FBXL17: variants seen among roughly 807,000 people sequenced by gnomAD.
FBXL17 encodes F-box/LRR-repeat protein 17.
A neutral mutation model predicts 66.2 loss-of-function variants in FBXL17; 22 were observed. The ratio of observed to expected loss-of-function variants is 0.33; its 90% CI spans 0.24 to 0.47. The LOEUF (loss-of-function observed/expected upper bound fraction) is 0.47. Among genes scored for constraint, FBXL17 ranks in the 20% least tolerant of loss-of-function variants. The probability of loss-of-function intolerance (pLI) is 1.00; values close to 1 mark genes in which losing one functional copy is unlikely to be tolerated. For missense variants in FBXL17, 878 were observed against 948.2 expected (o/e 0.93, Z 0.97); for synonymous variants, 474 against 400.5 (o/e 1.18, Z -2.19).
At chr5:108,240,050 C>G (rs1000347247) in intron 4 of FBXL17, among the ~76,000 whole-genome samples, 1 of 152,112 alleles carries the variant, frequency 6.6e-6, no homozygotes, top group Non-Finnish European at 1.5e-5. Context: ...CCTGAATAAT[C>G]AGAAGCAGTA....
chr5:108,375,898 A>T (rs1202559109), intron 1 of FBXL17, among the ~76,000 whole-genome samples: 1 of 152,224 alleles, frequency 6.6e-6, no homozygotes, highest in Non-Finnish European at 1.5e-5. Flanking sequence ...AATCCACAGT[A>T]TAGTAGAAGG....
intron 7 of FBXL17, among the ~76,000 whole-genome samples, chr5:107,906,130 T>A (rs557499281): frequency 2.6e-4 from 39 of 152,198 alleles, no homozygotes; most frequent in African/African-American, 9.4e-4. Flanking sequence ...ATTTTGACCT[T>A]TTCTTGGAAA....
chr5:108,062,238 A>T (rs929787602), intron 6 of FBXL17, among the ~76,000 whole-genome samples: 15 of 152,072 alleles, frequency 9.9e-5, no homozygotes, highest in Middle Eastern at 3.2e-3. Flanking sequence ...GTACATGAAT[A>T]AAAAATGACC....
chr5:108,277,142 G>A (rs1300095583), intron 4 of FBXL17, among the ~76,000 whole-genome samples: 1 of 152,000 alleles, frequency 6.6e-6, no homozygotes, highest in Non-Finnish European at 1.5e-5. Flanking sequence ...ATAGAGTTAT[G>A]TTAACTATGT....
chr5:107,936,809 C>T (rs564275296), intron 7 of FBXL17, among the ~76,000 whole-genome samples: 7 of 152,096 alleles, frequency 4.6e-5, no homozygotes, highest in East Asian at 3.9e-4. Flanking sequence ...GGTGGCAAGA[C>T]GACTTTTTAA....
chr5:108,289,842 A>G lies in FBXL17; in HGVS notation c.1506+58557T>C, dbSNP rs138996258. Among the ~76,000 whole-genome samples, 745 of 152,284 alleles carry G rather than the reference A, an allele frequency of 4.9e-3. 4 individuals are homozygous for G. The highest frequency in any genetic ancestry group is 0.017 in the African/African-American group (703 of 41,558). On this transcript the variant is annotated intron_variant, in intron 4 of 8. Transcript: ENST00000542267. Reference sequence around the variant, plus strand: ...AAGCAACTATCATGTGACTTACAGTATGTGCTCAATATTTGGTAACTCTTG... The same window carrying G: ...AAGCAACTATCATGTGACTTACAGTGTGTGCTCAATATTTGGTAACTCTTG...
chr5:108,133,535 T>C (rs1447459126), intron 6 of FBXL17, among the ~76,000 whole-genome samples: 1 of 152,130 alleles, frequency 6.6e-6, no homozygotes, highest in Non-Finnish European at 1.5e-5. Flanking sequence ...GACTGAATTT[T>C]AAATTCCCTG....
At chr5:108,061,383 T>G (rs973291276) in intron 6 of FBXL17, among the ~76,000 whole-genome samples, 5 of 152,156 alleles carry the variant, frequency 3.3e-5, no homozygotes, top group Non-Finnish European at 7.4e-5. Flanking sequence ...AATGAGATGA[T>G]TTATGCCTTT....
intron 7 of FBXL17, among the ~76,000 whole-genome samples, chr5:108,019,318 T>C (rs1197349091): frequency 2.0e-5 from 3 of 152,168 alleles, no homozygotes; most frequent in African/African-American, 4.8e-5. Flanking sequence ...CCTTCTCAAT[T>C]ATCTTCTGGA....
At chr5:108,091,839 A>C (rs1158813026) in intron 6 of FBXL17, among the ~76,000 whole-genome samples, 1 of 152,246 alleles carries the variant, frequency 6.6e-6, no homozygotes, top group East Asian at 1.9e-4. Flanking sequence ...ACACGTAAGA[A>C]TTCTTCTAAA....
chr5:107,868,392 A>C (rs986693957), intron 8 of FBXL17, among the ~76,000 whole-genome samples: 3 of 152,258 alleles, frequency 2.0e-5, no homozygotes, highest in African/African-American at 7.2e-5. Context: ...AATGTAAATT[A>C]TAATGGATCT....
intron 4 of FBXL17, among the ~76,000 whole-genome samples, chr5:108,268,810 C>A (rs1345783757): frequency 6.6e-6 from 1 of 151,980 alleles, no homozygotes; most frequent in Non-Finnish European, 1.5e-5. Flanking sequence ...TGTACCACTA[C>A]CATCTTAGAG....
At chr5:108,135,134 T>C (rs1181937411) in intron 6 of FBXL17, among the ~76,000 whole-genome samples, 1 of 151,786 alleles carries the variant, frequency 6.6e-6, no homozygotes, top group East Asian at 1.9e-4. Flanking sequence ...GAAGGAAGAG[T>C]ACCAATGGAT....
intron 6 of FBXL17, among the ~76,000 whole-genome samples, chr5:108,086,505 T>C (rs1029108962): frequency 3.9e-5 from 6 of 152,204 alleles, no homozygotes; most frequent in African/African-American, 1.4e-4. Context: ...TTAAATAAAT[T>C]TGTTTTTTCT....
At chr5:107,960,703 A>C (rs1019467725) in intron 7 of FBXL17, among the ~76,000 whole-genome samples, 1 of 152,232 alleles carries the variant, frequency 6.6e-6, no homozygotes, top group African/African-American at 2.4e-5. Flanking sequence ...AAAAAATACA[A>C]ATCCAGCAAT....
Position 108,224,160 on chromosome 5 carries a change from A to G in FBXL17, c.1575T>C (p.Gly525=). ...CPELQYVGFM[G]CSVTSKGVIH... ...TGACTCCTTTAGAAGTGACTGAACA[A>G]CCCATGAAGCCTACATATTGAAGCT... is the stretch of plus-strand genomic sequence containing the variant. The change falls in exon 5 of 9, where the codon GGT becomes GGC. Residue 525 remains glycine (G), a synonymous_variant. Transcript: ENST00000542267. The G allele has an allele frequency of 1.9e-6, 3 of 1,611,764 alleles. No individual in the cohort carries two copies. In the South Asian group the frequency reaches 3.3e-5, roughly 18 times the overall value.
chr5:107,923,578 TG>T (rs902318699), intron 7 of FBXL17, among the ~76,000 whole-genome samples: 2 of 152,154 alleles, frequency 1.3e-5, no homozygotes, highest in African/African-American at 4.8e-5. Context: ...AGAAAACCCA[TG>T]GTCAATGGCT....
chr5:108,353,418 G>T (rs1347393055), intron 3 of FBXL17, among the ~76,000 whole-genome samples: 1 of 152,124 alleles, frequency 6.6e-6, no homozygotes, highest in East Asian at 1.9e-4. Flanking sequence ...ATTCCAGGGG[G>T]ACCAGGTTAT....
chr5:108,188,592 G>A (rs900927216), intron 5 of FBXL17, among the ~76,000 whole-genome samples: 6 of 152,166 alleles, frequency 3.9e-5, no homozygotes, highest in African/African-American at 7.2e-5. Flanking sequence ...ACTGGTACTT[G>A]GCAACCAAAG....
Sources: allele counts gnomAD v4.1 joint callset (sites outside exome capture counted in the v4.1 genomes callset), GRCh38; gene constraint gnomAD v4.1.1; transcripts MANE v1.5; gene names NCBI Gene and HGNC (gene_info 2026-07-23, HGNC 2026-07-21).